LRP1B: variants seen among roughly 807,000 people sequenced by gnomAD.
The protein encoded by LRP1B is low-density lipoprotein receptor-related protein 1B.
A neutral mutation model predicts 556.6 loss-of-function variants in LRP1B; 217 were observed. The observed-to-expected ratio is 0.39, with a 90% confidence interval of 0.35 to 0.44. The LOEUF (loss-of-function observed/expected upper bound fraction) is 0.44. Among genes scored for constraint, LRP1B ranks in the 20% least tolerant of loss-of-function variants. The probability of loss-of-function intolerance (pLI) is 1.00; values close to 1 mark genes in which losing one functional copy is unlikely to be tolerated. For synonymous variants in LRP1B, 2,047 were observed against 1,865.8 expected (o/e 1.10, Z -2.50); for missense variants, 5,053 against 5,620.8 (o/e 0.90, Z 3.23).
intron 79 of LRP1B, among the ~76,000 whole-genome samples, chr2:140,331,238 G>T (rs915770369): frequency 2.6e-5 from 4 of 152,058 alleles, no homozygotes; most frequent in Non-Finnish European, 4.4e-5. Context: ...GTACTATGCA[G>T]CCATAAAAAG....
intron 2 of LRP1B, among the ~76,000 whole-genome samples, chr2:141,591,390 T>A (rs1687333314): frequency 6.7e-6 from 1 of 149,448 alleles, no homozygotes. Flanking sequence ...AGGCCTCTGA[T>A]CTGGGCCAAG....
chr2:141,424,628 G>A (rs1680280658), intron 3 of LRP1B, among the ~76,000 whole-genome samples: 1 of 152,124 alleles, frequency 6.6e-6, no homozygotes, highest in Non-Finnish European at 1.5e-5. Flanking sequence ...TAAGTGATAT[G>A]ATGTATTTAA....
chr2:140,322,194 T>G (rs576228993), intron 81 of LRP1B, 106 bp from the exon 82 acceptor site: 1 of 1,095,598 alleles, frequency 9.1e-7, no homozygotes. Context: ...TGTTGAAAAG[T>G]AATCACATTA....
At position 141,060,241 on chromosome 2, in the gene LRP1B, G is replaced by A. The variant is rs531219091; in HGVS notation, c.1237-1187C>T. Among the ~76,000 whole-genome samples the A allele has an allele frequency of 2.0e-5, 3 of 151,710 alleles. No individual in the cohort carries two copies. In the South Asian group the frequency reaches 6.2e-4, roughly 32 times the overall value. On this transcript the variant is annotated intron_variant, in intron 8 of 90. Coordinates refer to ENST00000389484, the MANE Select transcript of LRP1B (RefSeq NM_018557.3). ...AAGACTGGCTTTACATGTCGTTTTT[G>A]GGTTTTATCTCATTTCTTCATGCTT...
intron 66 of LRP1B, among the ~76,000 whole-genome samples, chr2:140,418,565 A>G (rs965953441): frequency 2.0e-5 from 3 of 152,146 alleles, no homozygotes; most frequent in Non-Finnish European, 4.4e-5. Flanking sequence ...CATTTCAGAC[A>G]TCCCATATTT....
chr2:140,641,007 T>C (rs1684274891), intron 41 of LRP1B, among the ~76,000 whole-genome samples: 1 of 152,346 alleles, frequency 6.6e-6, no homozygotes, highest in East Asian at 1.9e-4. Flanking sequence ...TATACAGTCA[T>C]GCATTGTCAT....
At chr2:140,852,799 C>T (rs1573804672) in intron 27 of LRP1B, among the ~76,000 whole-genome samples, 3 of 151,942 alleles carry the variant, frequency 2.0e-5, no homozygotes, top group African/African-American at 7.2e-5. Context: ...CACTGAATGT[C>T]TTGGGACATT....
chr2:140,246,860 C>A (rs570571764), intron 87 of LRP1B, among the ~76,000 whole-genome samples: 1 of 151,512 alleles, frequency 6.6e-6, no homozygotes, highest in Non-Finnish European at 1.5e-5. Flanking sequence ...TCTGAAAACT[C>A]CCCAAATTTG....
chr2:140,323,750 G>T, intron 81 of LRP1B, 143 bp downstream of exon 81: 1 of 414,890 alleles, frequency 2.4e-6, no homozygotes, highest in Non-Finnish European at 4.3e-6. Flanking sequence ...AGTTGAAAAA[G>T]TCTAGTGACA....
At chr2:140,932,884 T>TACACACACACACAC (rs781052076) in intron 20 of LRP1B, among the ~76,000 whole-genome samples, 10 of 13,796 alleles carry the variant, frequency 7.2e-4, no homozygotes, top group East Asian at 8.1e-3. Context: ...TCTCTCTCCC[T>TACACACACACACAC]ATACACACAC....
intron 12 of LRP1B, among the ~76,000 whole-genome samples, chr2:141,017,738 T>A (rs1697947528): frequency 6.6e-6 from 1 of 151,878 alleles, no homozygotes; most frequent in South Asian, 2.1e-4. Context: ...CTCATGCCTG[T>A]AATCCCAGCA....
intron 3 of LRP1B, among the ~76,000 whole-genome samples, chr2:141,293,994 G>A (rs1190626822): frequency 6.6e-6 from 1 of 151,936 alleles, no homozygotes; most frequent in Non-Finnish European, 1.5e-5. Context: ...TCAAATATAC[G>A]TAGCAATTTG....
intron 3 of LRP1B, among the ~76,000 whole-genome samples, chr2:141,335,603 A>C (rs950832366): frequency 2.0e-5 from 3 of 152,212 alleles, no homozygotes; most frequent in African/African-American, 4.8e-5. Context: ...TTGGGGTCTT[A>C]AAATCCACTA....
intron 3 of LRP1B, among the ~76,000 whole-genome samples, chr2:141,302,296 A>T (rs770670767): frequency 3.9e-5 from 6 of 152,146 alleles, no homozygotes; most frequent in Non-Finnish European, 5.9e-5. Flanking sequence ...GTTTAATGCA[A>T]CTAGAACATT....
chr2:140,640,437 C>G (rs1229530221), intron 41 of LRP1B, among the ~76,000 whole-genome samples: 3 of 108,876 alleles, frequency 2.8e-5, no homozygotes, highest in Non-Finnish European at 5.2e-5. Context: ...GCTCTGTCGC[C>G]CAGGCTGGAG....
At chr2:141,528,244 G>C (rs550278273) in intron 2 of LRP1B, among the ~76,000 whole-genome samples, 1 of 151,686 alleles carries the variant, frequency 6.6e-6, no homozygotes, top group South Asian at 2.1e-4. Flanking sequence ...CTCTCATAAC[G>C]GGTTAAGTAT....
chr2:140,792,822 G>A (rs111926657), intron 32 of LRP1B, among the ~76,000 whole-genome samples: 3,575 of 152,110 alleles, frequency 0.024, 74 homozygotes, highest in South Asian at 0.1. Flanking sequence ...AAAGAGGATT[G>A]ATGTAAAGCC....
chr2:142,048,859 A>T (rs1704348140), intron 1 of LRP1B, among the ~76,000 whole-genome samples: 1 of 152,116 alleles, frequency 6.6e-6, no homozygotes, highest in Non-Finnish European at 1.5e-5. Context: ...TCATGTCTTT[A>T]TTAAAAACTT....
At chr2:140,653,567 T>C (rs1684764103) in intron 41 of LRP1B, among the ~76,000 whole-genome samples, 1 of 152,064 alleles carries the variant, frequency 6.6e-6, no homozygotes, top group Non-Finnish European at 1.5e-5. Context: ...AAAATAGGTA[T>C]TGGGCTGTAA....
Sources: gnomAD v4.1 joint callset for allele counts (sites outside exome capture counted in the v4.1 genomes callset) on GRCh38, gnomAD v4.1.1 for gene constraint, MANE v1.5 for transcripts, NCBI Gene and HGNC (gene_info 2026-07-23, HGNC 2026-07-21) for gene names.